NELL2: variants seen among roughly 807,000 people sequenced by gnomAD.
NELL2 encodes protein kinase C-binding protein NELL2.
Under a neutral mutation model 109.6 loss-of-function variants are expected in NELL2, and 41 were observed. That is an observed-to-expected ratio of 0.37 (90% confidence interval 0.29 to 0.49). NELL2 has a LOEUF of 0.49. Ranked by LOEUF, NELL2 falls within the 20% of genes least tolerant of loss-of-function variation. The pLI is 0.98. For synonymous variants in NELL2, 355 were observed against 344.7 expected (o/e 1.03, Z -0.33); for missense variants, 900 against 1,008.3 (o/e 0.89, Z 1.45).
intron 12 of NELL2, among the ~76,000 whole-genome samples, chr12:44,690,038 T>C (rs1009838223): frequency 1.3e-5 from 2 of 152,166 alleles, no homozygotes; most frequent in Non-Finnish European, 2.9e-5. Flanking sequence ...AATGTAAAAC[T>C]AGCCTAAAAA....
At chr12:44,694,333 G>A (rs939465182) in intron 12 of NELL2, among the ~76,000 whole-genome samples, 2 of 152,060 alleles carry the variant, frequency 1.3e-5, no homozygotes, top group Non-Finnish European at 2.9e-5. Context: ...ACCTCGGACT[G>A]GAACTTATAT....
intron 19 of NELL2, among the ~76,000 whole-genome samples, chr12:44,519,504 AT>A (rs1294923700): frequency 6.6e-6 from 1 of 152,222 alleles, no homozygotes; most frequent in Non-Finnish European, 1.5e-5. Flanking sequence ...CAGATCTTAA[AT>A]GTTTCAACTC....
At chr12:44,680,462 T>C (rs1404701092) in intron 12 of NELL2, among the ~76,000 whole-genome samples, 1 of 152,164 alleles carries the variant, frequency 6.6e-6, no homozygotes, top group Non-Finnish European at 1.5e-5. Context: ...TAAAGAAAAA[T>C]TACTTGGAGG....
chr12:44,881,761 CA>C lies in NELL2; in HGVS notation c.39-5862del, dbSNP rs537296934. Reference sequence around the variant, plus strand: ...ATGTTCTAAGATGTCTCAAATTTGGCAAAAGACATAAACTTACAGATTCAAG... The same window carrying C: ...ATGTTCTAAGATGTCTCAAATTTGGCAAAGACATAAACTTACAGATTCAAG... On this transcript the variant is annotated intron_variant, in intron 1 of 20. Coordinates refer to the NELL2 transcript ENST00000333837. The C allele has an allele frequency of 9.9e-5, 15 of 151,966 alleles. No homozygotes were observed. In the South Asian group the frequency reaches 3.1e-3, roughly 32 times the overall value. The allele number at this position is 151,966 out of a possible 1,614,324, so 9.4% of individuals were successfully genotyped here.
chr12:44,665,501 T>C lies in NELL2; in HGVS notation c.1427A>G (p.Asp476Gly), dbSNP rs1947892609. 2 of 1,612,362 alleles carry C rather than the reference T, an allele frequency of 1.2e-6. No homozygotes were observed. The highest frequency in any genetic ancestry group is 2.2e-5 in the South Asian group (2 of 90,812). The change falls in exon 13 of 20, where the codon GAT becomes GGT. Residue 476 changes from aspartate to glycine, a missense_variant. Transcript: ENST00000429094. ...CCGTTTACCTGTACATGAATAATCA[T>C]CAATTCTGATGTATCCAGTTTTGCA... ...CICKTGYIRI[D>G]DYSCTEHDEC...
rs144133504 is a variant in NELL2, at chr12:44,696,439, G to A, written c.1318+7287C>T. Among the ~76,000 whole-genome samples the A allele has an allele frequency of 3.9e-5, 6 of 152,290 alleles. No individual in the cohort carries two copies. In the East Asian group the frequency reaches 1.2e-3, roughly 29 times the overall value. ...ATTCAAATCTTAGGGGAAAAAATGA[G>A]TGTTCTGTAAAAGCAATTGTGAAGA... On this transcript the variant is annotated intron_variant, in intron 12 of 19. Coordinates refer to ENST00000429094, the MANE Select transcript of NELL2 (RefSeq NM_001145108.2).
intron 15 of NELL2, among the ~76,000 whole-genome samples, chr12:44,569,760 A>T (rs952107003): frequency 9.2e-5 from 14 of 152,038 alleles, no homozygotes; most frequent in Admixed American, 4.6e-4. Context: ...TGATCTATGA[A>T]TTTTTTTTAT....
intron 3 of NELL2, among the ~76,000 whole-genome samples, chr12:44,788,989 C>A (rs1165754979): frequency 6.6e-6 from 1 of 152,024 alleles, no homozygotes. Flanking sequence ...CCCCAACCCC[C>A]ACAGCAACCT....
At position 44,711,329 on chromosome 12, in the gene NELL2, C is replaced by G. The variant is rs769953290; in HGVS notation, c.1152G>C (p.Gln384His). 2.5e-6 allele frequency: 4 copies of G among 1,612,638 alleles called. No individual in the cohort carries two copies. Among genetic ancestry groups the G allele is most frequent in the Non-Finnish European group, 2.5e-6 (3 of 1,178,954 alleles). The change falls in exon 11 of 20, where the codon CAG becomes CAC. Residue 384 changes from glutamine to histidine, a missense_variant. This residue lies in a region of NELL2 where 292 missense variants were observed against 265.3 expected (regional missense o/e 1.10). Coordinates refer to ENST00000429094, the MANE Select transcript of NELL2 (RefSeq NM_001145108.2). ...CPALDCPESH[Q>H]ITLSHSCCKV... is the part of the protein sequence containing the mutation. The stretch of plus-strand genomic sequence containing the variant: ...TGCAACAGCTGTGAGACAAGGTTAT[C>G]TGATGAGACTCTGGACAATCCAAAG...
At chr12:44,910,534 T>C (rs533646693) in intron 1 of NELL2, among the ~76,000 whole-genome samples, 1 of 151,994 alleles carries the variant, frequency 6.6e-6, no homozygotes, top group East Asian at 1.9e-4. Context: ...TCAACCACTG[T>C]GGAATACAGT....
chr12:44,580,444 CGGT>C (rs1164303541), intron 15 of NELL2, among the ~76,000 whole-genome samples: 3 of 152,128 alleles, frequency 2.0e-5, no homozygotes, highest in East Asian at 3.9e-4. Flanking sequence ...CAGCTGGGTG[CGGT>C]GGCTTACGCC....
At chr12:44,587,928 G>T (rs113208785) in intron 15 of NELL2, among the ~76,000 whole-genome samples, 2,683 of 152,216 alleles carry the variant, frequency 0.018, 27 homozygotes, top group Non-Finnish European at 0.025. Context: ...AAGGCGGGCG[G>T]ATCACGAGGT....
intron 9 of NELL2, among the ~76,000 whole-genome samples, chr12:44,728,395 T>A (rs1165544300): frequency 1.3e-5 from 2 of 151,836 alleles, no homozygotes; most frequent in Non-Finnish European, 2.9e-5. Flanking sequence ...AGCAGAAGAA[T>A]CAGCAAACTC....
At chr12:44,900,843 G>A (rs1040147193) in intron 1 of NELL2, among the ~76,000 whole-genome samples, 1 of 152,046 alleles carries the variant, frequency 6.6e-6, no homozygotes, top group African/African-American at 2.4e-5. Context: ...ACAAAAATTG[G>A]CTGGGTGTGA....
intron 15 of NELL2, among the ~76,000 whole-genome samples, chr12:44,572,695 T>C (rs1294970525): frequency 6.6e-6 from 1 of 152,152 alleles, no homozygotes; most frequent in African/African-American, 2.4e-5. Flanking sequence ...GTTTAGACGG[T>C]AGAATGAACA....
chr12:44,888,847 A>AAAT (rs1566596303), intron 1 of NELL2, among the ~76,000 whole-genome samples: 5 of 151,538 alleles, frequency 3.3e-5, no homozygotes, highest in South Asian at 4.2e-4. Context: ...AAATAAAAAA[A>AAAT]AAATAAATAA....
At chr12:44,873,371 T>A (rs1592690874) in intron 2 of NELL2, among the ~76,000 whole-genome samples, 1 of 152,112 alleles carries the variant, frequency 6.6e-6, no homozygotes, top group Non-Finnish European at 1.5e-5. Flanking sequence ...AACACCTACC[T>A]TGAAGAATTT....
At chr12:44,675,851 G>A (rs1948295449) in intron 12 of NELL2, among the ~76,000 whole-genome samples, 1 of 152,080 alleles carries the variant, frequency 6.6e-6, no homozygotes, top group Non-Finnish European at 1.5e-5. Context: ...CATAACAAGA[G>A]CAACATTTCT....
rs1311585124 is a variant in NELL2, at chr12:44,888,470, G to A, written c.39-12570C>T. Among the ~76,000 whole-genome samples, 38 of 148,120 alleles carry A rather than the reference G, an allele frequency of 2.6e-4. 1 individual carries two copies. Among genetic ancestry groups the A allele is most frequent in the African/African-American group, 8.0e-4 (32 of 39,916 alleles). On this transcript the variant is annotated intron_variant, in intron 1 of 20. Coordinates refer to the NELL2 transcript ENST00000333837. ...AGAGAAGACCCAAATAAATAAAATC[G>A]GAAATGAAAAAGGGGACATAACAAA...
Sources: gnomAD v4.1 joint callset for allele counts (sites outside exome capture counted in the v4.1 genomes callset) on GRCh38, gnomAD v4.1.1 for gene constraint, gnomAD v4.1.1 regional missense constraint, MANE v1.5 for transcripts, NCBI Gene and HGNC (gene_info 2026-07-23, HGNC 2026-07-21) for gene names.